The following DOCK2 variants were observed in gnomAD, a reference collection of about 807,000 sequenced individuals.
The protein encoded by DOCK2 is dedicator of cytokinesis protein 2.
In DOCK2, 87 loss-of-function variants were observed where a neutral mutation model predicts 248.9. That is an observed-to-expected ratio of 0.35 (90% CI 0.29 to 0.42). The LOEUF (loss-of-function observed/expected upper bound fraction) is 0.42. Ranked by LOEUF, DOCK2 falls within the 10% of genes least tolerant of loss-of-function variation. The pLI is 1.00. For missense variants in DOCK2, 1,747 were observed against 2,300.2 expected, an observed-to-expected ratio of 0.76 and a Z score of 4.92; for synonymous variants, 805 against 821.6, an observed-to-expected ratio of 0.98 and a Z score of 0.35.
At chr5:169,972,546 TAGA>T (rs1561859586) in intron 27 of DOCK2, among the ~76,000 whole-genome samples, 1 of 76,780 alleles carries the variant, frequency 1.3e-5, no homozygotes, top group African/African-American at 4.3e-5. Flanking sequence ...GTGAGACAGA[TAGA>T]TAGATAGATA....
chr5:169,823,162 C>T (rs760996891), intron 26 of DOCK2, among the ~76,000 whole-genome samples: 14 of 152,088 alleles, frequency 9.2e-5, no homozygotes, highest in Admixed American at 2.6e-4. Context: ...CAGGACCAGA[C>T]GGAGTCACAG....
At chr5:169,990,098 T>G (rs1186806715) in intron 29 of DOCK2, among the ~76,000 whole-genome samples, 1 of 151,380 alleles carries the variant, frequency 6.6e-6, no homozygotes, top group East Asian at 1.9e-4. Context: ...GTTTTTTTTT[T>G]TCTTCTTCTT....
chr5:169,808,985 G>C (rs35867538), intron 26 of DOCK2, among the ~76,000 whole-genome samples: 23,560 of 148,350 alleles, frequency 0.16, 2,158 homozygotes, highest in Admixed American at 0.22. Flanking sequence ...AATGGTTTAA[G>C]GGTTCTGATT....
chr5:169,795,921 G>A (rs2113092727), intron 25 of DOCK2, among the ~76,000 whole-genome samples: 1 of 152,322 alleles, frequency 6.6e-6, no homozygotes, highest in South Asian at 2.1e-4. Flanking sequence ...AGAGAGTTGA[G>A]CTGAGGAGAA....
intron 27 of DOCK2, among the ~76,000 whole-genome samples, chr5:169,859,123 G>T (rs149460401): frequency 5.9e-4 from 90 of 152,208 alleles, no homozygotes; most frequent in African/African-American, 1.9e-3. Flanking sequence ...AGAACAGGAT[G>T]CCCACAGTGG....
intron 27 of DOCK2, among the ~76,000 whole-genome samples, chr5:169,930,115 C>T (rs1415240886): frequency 3.3e-5 from 5 of 152,134 alleles, no homozygotes; most frequent in South Asian, 2.1e-4. Flanking sequence ...CTCAGCCTCC[C>T]GAGTAGCTGG....
At chr5:169,760,086 G>A (rs938691896) in intron 24 of DOCK2, among the ~76,000 whole-genome samples, 20 of 152,242 alleles carry the variant, frequency 1.3e-4, no homozygotes, top group African/African-American at 4.6e-4. Flanking sequence ...GTTATTTTGG[G>A]TTCCACTCTT....
At chr5:169,851,957 GC>G (rs370966355) in intron 27 of DOCK2, among the ~76,000 whole-genome samples, 194 of 152,304 alleles carry the variant, frequency 1.3e-3, no homozygotes, top group African/African-American at 4.6e-3. Flanking sequence ...TGGGGACACA[GC>G]AAAACCATAT....
intron 29 of DOCK2, among the ~76,000 whole-genome samples, chr5:169,989,074 C>T (rs1778145344): frequency 6.6e-6 from 1 of 152,112 alleles, no homozygotes; most frequent in Non-Finnish European, 1.5e-5. Context: ...TCTATTATCA[C>T]TTATGATTTC....
chr5:169,935,093 G>T (rs1346139235), intron 27 of DOCK2, among the ~76,000 whole-genome samples: 1 of 152,216 alleles, frequency 6.6e-6, no homozygotes, highest in Non-Finnish European at 1.5e-5. Flanking sequence ...CTAAGCAGCA[G>T]TGAAGACAGC....
chr5:169,797,224 G>A (rs898457498), intron 25 of DOCK2, among the ~76,000 whole-genome samples: 10 of 152,186 alleles, frequency 6.6e-5, no homozygotes, highest in Non-Finnish European at 1.3e-4. Flanking sequence ...GTGGGGAAGA[G>A]GGTCAATTCA....
intron 22 of DOCK2, among the ~76,000 whole-genome samples, chr5:169,728,904 G>A (rs568665206): frequency 6.6e-6 from 1 of 152,312 alleles, no homozygotes; most frequent in Non-Finnish European, 1.5e-5. Context: ...ATCCTGTGCT[G>A]TAGACAATTA....
At chr5:169,720,127 G>A (rs370327) in intron 22 of DOCK2, among the ~76,000 whole-genome samples, 3,327 of 152,278 alleles carry the variant, frequency 0.022, 127 homozygotes, top group African/African-American at 0.076. Flanking sequence ...TGAAAGTGAA[G>A]TGTCTGTTTC....
At chr5:169,943,470 A>C (rs1776322220) in intron 27 of DOCK2, among the ~76,000 whole-genome samples, 1 of 152,200 alleles carries the variant, frequency 6.6e-6, no homozygotes, top group Non-Finnish European at 1.5e-5. Context: ...GAGTTTTCAC[A>C]TAAAAAGATT....
At chr5:169,833,133 T>G (rs1437406836) in intron 26 of DOCK2, among the ~76,000 whole-genome samples, 1 of 152,222 alleles carries the variant, frequency 6.6e-6, no homozygotes, top group Non-Finnish European at 1.5e-5. Context: ...GCTGAAGTTT[T>G]TCTTTCTGTA....
chr5:170,017,652 A>G (rs1456443760), intron 32 of DOCK2, among the ~76,000 whole-genome samples: 1 of 152,222 alleles, frequency 6.6e-6, no homozygotes, highest in East Asian at 1.9e-4. Flanking sequence ...CTTTACAATA[A>G]CCTTATAAGA....
At chr5:169,761,646 C>G (rs754654787) in intron 25 of DOCK2, 21 bp downstream of exon 25, 9 of 1,607,618 alleles carry the variant, frequency 5.6e-6, no homozygotes, top group Non-Finnish European at 7.7e-6. Flanking sequence ...AGCACCCTTG[C>G]TGGGGTGGGG....
In DOCK2 at chr5:169,790,261, T is replaced by G. The variant is rs528800156; in HGVS notation, c.2555-12797T>G. ...AGCTGCTCATATTGATTCAAAACATTGCTGTTGGCTTTTGTTCTTTTTGGT... is the reference window on the plus strand; with the variant it reads ...AGCTGCTCATATTGATTCAAAACATGGCTGTTGGCTTTTGTTCTTTTTGGT... On this transcript the variant is annotated intron_variant, in intron 25 of 51. Transcript: ENST00000520908. 5.8e-4 allele frequency among the ~76,000 whole-genome samples: 89 copies of G among 152,354 alleles called. 2 individuals carry two copies. In the South Asian group the frequency reaches 0.018, roughly 30 times the overall value.
chr5:169,784,276 A>T (rs1397439675), intron 25 of DOCK2, among the ~76,000 whole-genome samples: 2 of 152,184 alleles, frequency 1.3e-5, no homozygotes, highest in African/African-American at 2.4e-5. Context: ...GACGATGATG[A>T]TGATATTTTT....
Sources: gnomAD v4.1 joint callset for allele counts (sites outside exome capture counted in the v4.1 genomes callset) on GRCh38, gnomAD v4.1.1 for gene constraint, MANE v1.5 for transcripts, NCBI Gene and HGNC (gene_info 2026-07-23, HGNC 2026-07-21) for gene names.